The following IL1RAPL1 variants were observed in gnomAD, a reference collection of about 807,000 sequenced individuals.
IL1RAPL1 encodes interleukin-1 receptor accessory protein-like 1.
IL1RAPL1 carries 3 observed loss-of-function variants against 48.4 expected under a neutral mutation model. That is an observed-to-expected ratio of 0.06 (90% CI 0.03 to 0.16). The LOEUF (loss-of-function observed/expected upper bound fraction) is 0.16. Among genes scored for constraint, IL1RAPL1 ranks in the 10% least tolerant of loss-of-function variants. The pLI, the probability that IL1RAPL1 is intolerant of heterozygous loss-of-function variation, is 1.00. For missense variants in IL1RAPL1, 349 were observed against 530.6 expected (o/e 0.66, Z 3.36); for synonymous variants, 185 against 187.7 (o/e 0.99, Z 0.12).
At chrX:29,372,773 C>CTTTTTTTTTTTTTTTTTTTTTT (rs1160543169) in intron 3 of IL1RAPL1, among the ~76,000 whole-genome samples, 4 of 63,491 alleles carry the variant, frequency 6.3e-5, no homozygotes, top group African/African-American at 1.3e-4. Flanking sequence ...GTCTATGTGT[C>CTTTTTTTTTTTTTTTTTTTTTT]TTTTTTTTTT....
At chrX:29,253,334 A>G (rs962295884) in intron 2 of IL1RAPL1, among the ~76,000 whole-genome samples, 2 of 111,180 alleles carry the variant, frequency 1.8e-5, no homozygotes, top group Non-Finnish European at 3.8e-5. Context: ...GTGTAAAGTA[A>G]TGCAATAGTA....
intron 6 of IL1RAPL1, among the ~76,000 whole-genome samples, chrX:29,915,917 A>G (rs1248098913): frequency 3.7e-5 from 2 of 54,636 alleles, no homozygotes; most frequent in Non-Finnish European, 6.4e-5. Context: ...ACCCCACCAC[A>G]GTCCCCAGAG....
In IL1RAPL1 at chrX:29,521,929, C is replaced by G. The variant is rs1935507244; in HGVS notation, c.703+122621C>G. On this transcript the variant is annotated intron_variant, in intron 5 of 10. Transcript: ENST00000378993. ...TCTCTTGAGGTCTCTTTCCAATTAC[C>G]TGCAAGTTTGCTTTTACTGTGGTGT... is the stretch of plus-strand genomic sequence containing the variant. 3.6e-5 allele frequency among the ~76,000 whole-genome samples: 4 copies of G among 111,236 alleles called. No homozygotes were observed. The Admixed American group carries it at 3.8e-4, about 11-fold the overall frequency.
intron 2 of IL1RAPL1, among the ~76,000 whole-genome samples, chrX:29,034,609 A>G (rs924650189): frequency 9.0e-6 from 1 of 111,517 alleles, no homozygotes; most frequent in Admixed American, 9.6e-5. Flanking sequence ...TGCCTTTTTC[A>G]TGTCGTTTTC....
chrX:28,687,525 G>T (rs1000308400), intron 1 of IL1RAPL1, among the ~76,000 whole-genome samples: 4 of 112,208 alleles, frequency 3.6e-5, no homozygotes, highest in African/African-American at 1.3e-4. Context: ...GCTCAAGCCT[G>T]TGATCCCAGC....
intron 2 of IL1RAPL1, among the ~76,000 whole-genome samples, chrX:28,945,626 C>A (rs183699525): frequency 9.7e-4 from 107 of 110,329 alleles, no homozygotes; most frequent in Admixed American, 3.7e-3. Context: ...AGAGAAAGAG[C>A]ATTAGGACAA....
At chrX:28,700,006 CAT>C (rs767881565) in intron 1 of IL1RAPL1, among the ~76,000 whole-genome samples, 8 of 111,149 alleles carry the variant, frequency 7.2e-5, no homozygotes, top group Admixed American at 3.8e-4. Context: ...CAAAACCTGA[CAT>C]AGAAGGCTAT....
chrX:28,641,206 C>T (rs774288891), intron 1 of IL1RAPL1, among the ~76,000 whole-genome samples: 2 of 109,722 alleles, frequency 1.8e-5, no homozygotes, highest in South Asian at 8.1e-4. Context: ...TAATGCTATC[C>T]CTCCCCCAGC....
At chrX:28,868,843 G>A (rs970802557) in intron 2 of IL1RAPL1, among the ~76,000 whole-genome samples, 2 of 112,058 alleles carry the variant, frequency 1.8e-5, no homozygotes, top group African/African-American at 6.5e-5. Flanking sequence ...CTCTTTGTAT[G>A]TGTATAATTT....
intron 6 of IL1RAPL1, among the ~76,000 whole-genome samples, chrX:29,811,082 T>C (rs1213603781): frequency 9.1e-6 from 1 of 110,457 alleles, no homozygotes; most frequent in Non-Finnish European, 1.9e-5. Context: ...TCTCTTTCTT[T>C]GTAGTATGCT....
intron 3 of IL1RAPL1, among the ~76,000 whole-genome samples, chrX:29,347,935 G>A (rs1026466955): frequency 2.8e-4 from 31 of 111,558 alleles, no homozygotes; most frequent in Non-Finnish European, 4.7e-4. Flanking sequence ...CAAAGGCATG[G>A]TTCATGTTTT....
intron 2 of IL1RAPL1, among the ~76,000 whole-genome samples, chrX:28,901,773 G>A (rs974986373): frequency 8.9e-6 from 1 of 111,861 alleles, no homozygotes; most frequent in Non-Finnish European, 1.9e-5. Context: ...CCATGAGTAG[G>A]ATAGCGATTT....
At chrX:28,930,041 A>G (rs1389126240) in intron 2 of IL1RAPL1, among the ~76,000 whole-genome samples, 1 of 112,154 alleles carries the variant, frequency 8.9e-6, no homozygotes, top group African/African-American at 3.2e-5. Context: ...TATTCTGTGG[A>G]CAGCTTAGCT....
At chrX:29,610,485 T>C (rs1924054436) in intron 5 of IL1RAPL1, among the ~76,000 whole-genome samples, 1 of 112,498 alleles carries the variant, frequency 8.9e-6, no homozygotes, top group Non-Finnish European at 1.9e-5. Context: ...TGTTTTATAA[T>C]GCTAGTTGAG....
chrX:29,478,813 A>G (rs1010944031), intron 5 of IL1RAPL1, among the ~76,000 whole-genome samples: 8 of 109,949 alleles, frequency 7.3e-5, no homozygotes, highest in African/African-American at 2.3e-4. Flanking sequence ...TGCAGTTCAC[A>G]TCACTGCCTC....
At chrX:29,080,924 TTTTCTTTCTTTCTTTCTTTCTTTCTTTC>T (rs1270246223) in intron 2 of IL1RAPL1, among the ~76,000 whole-genome samples, 2 of 67,892 alleles carry the variant, frequency 2.9e-5, no homozygotes, top group African/African-American at 1.2e-4. Flanking sequence ...TTTAAATATT[TTTTCTTTCTTTCTTTCTTTCTTTCTTTC>T]TTTCTTTCTT....
At chrX:29,211,054 T>C (rs1275325592) in intron 2 of IL1RAPL1, among the ~76,000 whole-genome samples, 1 of 110,798 alleles carries the variant, frequency 9.0e-6, no homozygotes, top group Non-Finnish European at 1.9e-5. Flanking sequence ...TATAACAGTT[T>C]AGTTAGCTTT....
At chrX:28,969,860 AAC>A (rs751426047) in intron 2 of IL1RAPL1, among the ~76,000 whole-genome samples, 1 of 103,406 alleles carries the variant, frequency 9.7e-6, no homozygotes, top group African/African-American at 3.6e-5. Context: ...TATGTTTCTA[AAC>A]ACATATATAT....
intron 5 of IL1RAPL1, among the ~76,000 whole-genome samples, chrX:29,416,877 G>A (rs892782655): frequency 9.0e-6 from 1 of 111,173 alleles, no homozygotes; most frequent in Non-Finnish European, 1.9e-5. Flanking sequence ...TAGACAAATT[G>A]GAGGAAGGTC....
Sources: gnomAD v4.1 joint callset for allele counts (sites outside exome capture counted in the v4.1 genomes callset) on GRCh38, gnomAD v4.1.1 for gene constraint, MANE v1.5 for transcripts, NCBI Gene and HGNC (gene_info 2026-07-23, HGNC 2026-07-21) for gene names.